RANBP2: variants seen among roughly 807,000 people sequenced by gnomAD.
RANBP2 encodes the protein RAN binding protein 2, also known as E3 SUMO-protein ligase RanBP2.
RANBP2 carries 57 observed loss-of-function variants against 303.6 expected under a neutral mutation model. The ratio of observed to expected loss-of-function variants is 0.19; its 90% CI spans 0.15 to 0.23. RANBP2 has a LOEUF of 0.23. RANBP2 is among the 10% of genes least tolerant of loss of function. The pLI, the probability that RANBP2 is intolerant of heterozygous loss-of-function variation, is 1.00. For missense variants in RANBP2, 3,138 were observed against 3,780.8 expected, an observed-to-expected ratio of 0.83 and a Z score of 4.46; for synonymous variants, 1,167 against 1,301.5, an observed-to-expected ratio of 0.90 and a Z score of 2.23.
chr2:108,981,621 C>A, the RANBP2 span, among the ~76,000 whole-genome samples: 1 of 152,302 alleles, frequency 6.6e-6, no homozygotes, highest in African/African-American at 2.4e-5. Flanking sequence ...TCTGTCTATA[C>A]CTAGACCTCT....
chr2:109,306,693 A>C, the RANBP2 span, among the ~76,000 whole-genome samples: 1 of 152,220 alleles, frequency 6.6e-6, no homozygotes, highest in Non-Finnish European at 1.5e-5. Context: ...CATGTTACTG[A>C]AGACAACTCC....
At chr2:109,516,561 C>T in the RANBP2 span, among the ~76,000 whole-genome samples, 4 of 152,296 alleles carry the variant, frequency 2.6e-5, no homozygotes, top group South Asian at 2.1e-4. Flanking sequence ...CTGTGAGGGC[C>T]GCCACTGGAG....
the RANBP2 span, among the ~76,000 whole-genome samples, chr2:109,760,753 G>A: frequency 1.4e-5 from 2 of 144,154 alleles, no homozygotes; most frequent in Admixed American, 7.1e-5. Flanking sequence ...CTCCAGGAAT[G>A]GGACCTCGAG....
chr2:109,629,337 ATATATATATATATATATAT>A, the RANBP2 span, among the ~76,000 whole-genome samples: 88 of 10,140 alleles, frequency 8.7e-3, 3 homozygotes, highest in African/African-American at 0.027. Context: ...ATATATATAT[ATATATATATATATATATAT>A]TTTTTTTTTT....
the RANBP2 span, among the ~76,000 whole-genome samples, chr2:109,382,006 A>G: frequency 6.6e-6 from 1 of 152,136 alleles, no homozygotes; most frequent in Non-Finnish European, 1.5e-5. Context: ...ATAGGACACA[A>G]AGACAGCCTG....
chr2:108,762,040 T>C, intron 18 of RANBP2, 61 bp from the exon 19 acceptor site: 1 of 1,586,314 alleles, frequency 6.3e-7, no homozygotes, highest in Non-Finnish European at 8.5e-7. Context: ...CTTGCCTAGA[T>C]AGTCTTAACT....
At chr2:108,800,473 C>T in the RANBP2 span, among the ~76,000 whole-genome samples, 1 of 152,074 alleles carries the variant, frequency 6.6e-6, no homozygotes, top group Non-Finnish European at 1.5e-5. Context: ...CCATGTTGGT[C>T]AGGCTGGTCT....
the RANBP2 span, among the ~76,000 whole-genome samples, chr2:109,687,657 G>A: frequency 5.9e-5 from 9 of 152,140 alleles, no homozygotes; most frequent in East Asian, 1.4e-3. Context: ...CACCTGCTCT[G>A]TAGCGACTCT....
At chr2:109,680,683 C>G in the RANBP2 span, among the ~76,000 whole-genome samples, 1 of 152,214 alleles carries the variant, frequency 6.6e-6, no homozygotes, top group Non-Finnish European at 1.5e-5. Flanking sequence ...CTCGTGCTCA[C>G]TTTCTCAGCC....
chr2:109,246,652 T>C, the RANBP2 span, among the ~76,000 whole-genome samples: 1 of 152,220 alleles, frequency 6.6e-6, no homozygotes, highest in Non-Finnish European at 1.5e-5. Flanking sequence ...CGTGTCTTAT[T>C]TGACCTGTGG....
chr2:108,827,113 T>G, the RANBP2 span, among the ~76,000 whole-genome samples: 1 of 152,160 alleles, frequency 6.6e-6, no homozygotes, highest in Non-Finnish European at 1.5e-5. Context: ...GTCACCTCTA[T>G]TATTTAACAT....
the RANBP2 span, among the ~76,000 whole-genome samples, chr2:109,400,238 A>G: frequency 6.6e-6 from 1 of 151,830 alleles, no homozygotes; most frequent in East Asian, 1.9e-4. Context: ...ACACACACAC[A>G]TATTACATGG....
At chr2:109,616,139 T>C in the RANBP2 span, 11 of 1,416,016 alleles carry the variant, frequency 7.8e-6, no homozygotes, top group Non-Finnish European at 1.0e-5. Flanking sequence ...TGTAAGGAAG[T>C]GAGACCAGAA....
chr2:109,176,729 C>G, the RANBP2 span, among the ~76,000 whole-genome samples: 1 of 151,780 alleles, frequency 6.6e-6, no homozygotes, highest in African/African-American at 2.4e-5. Context: ...AGAGCCAGAC[C>G]CTGTCTCTAA....
chr2:109,346,607 C>T, the RANBP2 span, among the ~76,000 whole-genome samples: 22 of 127,030 alleles, frequency 1.7e-4, no homozygotes, highest in South Asian at 5.5e-3. Context: ...GGAGAGAGGC[C>T]CATGAGGCCA....
At chr2:109,519,262 C>CT in the RANBP2 span, among the ~76,000 whole-genome samples, 1 of 152,090 alleles carries the variant, frequency 6.6e-6, no homozygotes, top group East Asian at 1.9e-4. Flanking sequence ...CCTGAGAACT[C>CT]TAACACGAGA....
chr2:109,761,646 T>TC, the RANBP2 span, among the ~76,000 whole-genome samples: 4 of 135,422 alleles, frequency 3.0e-5, no homozygotes, highest in African/African-American at 8.3e-5. Flanking sequence ...CTTTCTCTGC[T>TC]CCCCCCAACC....
chr2:109,018,588 T>C, the RANBP2 span, among the ~76,000 whole-genome samples: 1 of 152,184 alleles, frequency 6.6e-6, no homozygotes, highest in African/African-American at 2.4e-5. Flanking sequence ...TCCCCTTCAC[T>C]CTGCATGCTT....
At chr2:109,614,263 G>A in the RANBP2 span, 1 of 689,024 alleles carries the variant, frequency 1.5e-6, no homozygotes, top group Non-Finnish European at 2.0e-6. Context: ...GCGGGGAGCG[G>A]AAGTGGGCGT....
Sources: gnomAD v4.1 joint callset for allele counts (sites outside exome capture counted in the v4.1 genomes callset) on GRCh38, gnomAD v4.1.1 for gene constraint, MANE v1.5 for transcripts, NCBI Gene and HGNC (gene_info 2026-07-23, HGNC 2026-07-21) for gene names.